The following PPP2R5E variants were observed in gnomAD, a reference collection of about 807,000 sequenced individuals.
PPP2R5E encodes the protein protein phosphatase 2 regulatory subunit B'epsilon, also known as serine/threonine-protein phosphatase 2A 56 kDa regulatory subunit epsilon isoform.
PPP2R5E carries 4 observed loss-of-function variants against 65.3 expected under a neutral mutation model. The ratio of observed to expected loss-of-function variants is 0.06; its 90% CI spans 0.03 to 0.14. The LOEUF (loss-of-function observed/expected upper bound fraction) is 0.14. Among genes scored for constraint, PPP2R5E ranks in the 10% least tolerant of loss-of-function variants. The pLI is 1.00. For missense variants in PPP2R5E, 274 were observed against 556.1 expected (o/e 0.49, Z 5.10); for synonymous variants, 183 against 187.4 (o/e 0.98, Z 0.19).
chr14:63,406,102 AC>A (rs1886066384), intron 5 of PPP2R5E, among the ~76,000 whole-genome samples: 1 of 152,058 alleles, frequency 6.6e-6, no homozygotes, highest in Admixed American at 6.6e-5. Flanking sequence ...AACATTCAAA[AC>A]CCTTGAATGA....
intron 1 of PPP2R5E, among the ~76,000 whole-genome samples, chr14:63,542,554 G>A (rs1286969122): frequency 1.3e-5 from 2 of 152,126 alleles, no homozygotes; most frequent in Non-Finnish European, 2.9e-5. Context: ...CCCAGAAGGT[G>A]GAGAAAAAGG....
At position 63,393,817 on chromosome 14, in the gene PPP2R5E, T is replaced by C. The variant is rs1485546444; in HGVS notation, c.849+3A>G. ...TAAAAGTAGTTGTACAAAATCCTCCTACCTGTGCATGGAAGAGTGATAAGC... is the reference window on the plus strand; with the variant it reads ...TAAAAGTAGTTGTACAAAATCCTCCCACCTGTGCATGGAAGAGTGATAAGC... On this transcript the variant is annotated splice_donor_region_variant and intron_variant, in intron 8 of 13. Transcript: ENST00000337537. 3 of 1,557,248 alleles carry C rather than the reference T, an allele frequency of 1.9e-6. No individual in the cohort carries two copies. The highest frequency in any genetic ancestry group is 2.2e-5 in the East Asian group (1 of 44,564).
intron 4 of PPP2R5E, among the ~76,000 whole-genome samples, chr14:63,416,054 A>G (rs1365781225): frequency 6.6e-6 from 1 of 152,216 alleles, no homozygotes; most frequent in Non-Finnish European, 1.5e-5. Flanking sequence ...TCAGCCTCAA[A>G]TAATTGTTCT....
intron 3 of PPP2R5E, among the ~76,000 whole-genome samples, chr14:63,448,930 A>G (rs1888662334): frequency 1.3e-5 from 2 of 152,146 alleles, no homozygotes. Flanking sequence ...ACTTCATTTA[A>G]TTGTTAAAAA....
At chr14:63,469,911 G>C (rs1594910422) in intron 2 of PPP2R5E, among the ~76,000 whole-genome samples, 3 of 152,274 alleles carry the variant, frequency 2.0e-5, no homozygotes, top group East Asian at 1.9e-4. Flanking sequence ...CTGGGTCAAT[G>C]GCTAACGTGT....
chr14:63,430,401 G>GCATACATACATGCATA (rs1555359700), intron 3 of PPP2R5E, among the ~76,000 whole-genome samples: 10 of 143,822 alleles, frequency 7.0e-5, no homozygotes, highest in African/African-American at 2.8e-4. Flanking sequence ...ATACATACAT[G>GCATACATACATGCATA]CATACATACA....
At chr14:63,421,052 CAAAAAAAAAAAAAAAA>C (rs56297942) in intron 4 of PPP2R5E, among the ~76,000 whole-genome samples, 71 of 10,284 alleles carry the variant, frequency 6.9e-3, no homozygotes, top group East Asian at 0.034. Flanking sequence ...GACTCCGTCT[CAAAAAAAAAAAAAAAA>C]AAAAAAAAAA....
chr14:63,413,952 T>C (rs1886548971), intron 5 of PPP2R5E, among the ~76,000 whole-genome samples: 1 of 152,184 alleles, frequency 6.6e-6, no homozygotes, highest in Non-Finnish European at 1.5e-5. Flanking sequence ...GTACAGGTAC[T>C]AATGAGCCGC....
At chr14:63,377,395 G>A (rs1314505794) in intron 13 of PPP2R5E, among the ~76,000 whole-genome samples, 1 of 152,026 alleles carries the variant, frequency 6.6e-6, no homozygotes, top group African/African-American at 2.4e-5. Context: ...TATAACCAAT[G>A]TTTTTTAAAA....
intron 4 of PPP2R5E, among the ~76,000 whole-genome samples, chr14:63,417,981 G>C (rs766034676): frequency 6.6e-6 from 1 of 152,124 alleles, no homozygotes; most frequent in Non-Finnish European, 1.5e-5. Flanking sequence ...TCTCACGTCA[G>C]ACTCTAATTT....
intron 3 of PPP2R5E, among the ~76,000 whole-genome samples, chr14:63,444,618 G>T (rs1888389984): frequency 6.6e-6 from 1 of 151,402 alleles, no homozygotes; most frequent in African/African-American, 2.4e-5. Context: ...AAAAAAAAAA[G>T]ATGTGCAAAT....
intron 2 of PPP2R5E, among the ~76,000 whole-genome samples, chr14:63,485,912 C>T (rs1191089997): frequency 1.3e-5 from 2 of 150,600 alleles, no homozygotes; most frequent in African/African-American, 4.9e-5. Context: ...TCACTGTAAC[C>T]TCTACCTCCC....
At position 63,496,550 on chromosome 14, in the gene PPP2R5E, A is replaced by G. The variant is rs367809964; in HGVS notation, c.158-42665T>C. Among the ~76,000 whole-genome samples the G allele has an allele frequency of 4.5e-4, 69 of 152,148 alleles. 1 individual carries two copies. The highest frequency in any genetic ancestry group is 1.6e-3 in the African/African-American group (65 of 41,530). On this transcript the variant is annotated intron_variant, in intron 2 of 13. Coordinates refer to ENST00000337537, the MANE Select transcript of PPP2R5E (RefSeq NM_006246.5). The stretch of plus-strand genomic sequence containing the variant: ...CAGCTCGCCTCTTGAACCATAACCC[A>G]TCAATAACTAAGAACATATACAGAG...
chr14:63,512,078 TAAAA>T lies in PPP2R5E; in HGVS notation c.157+27447_157+27450del, dbSNP rs57623942. On this transcript the variant is annotated intron_variant, in intron 2 of 13. Coordinates refer to ENST00000337537, the MANE Select transcript of PPP2R5E (RefSeq NM_006246.5). The stretch of plus-strand genomic sequence containing the variant: ...TGGACGACAGAGCGAGACTCTGCGG[TAAAA>T]AAAAAAAAAAAAAAAAAAAAAAGAA... 2.0e-3 allele frequency among the ~76,000 whole-genome samples: 177 copies of T among 87,082 alleles called. 6 individuals are homozygous for T. The highest frequency in any genetic ancestry group is 4.7e-3 in the African/African-American group (120 of 25,596). The allele number at this position is 87,082 out of a possible 152,430, so 57.1% of individuals were successfully genotyped here. A position where few individuals can be genotyped will look rare whatever the true frequency, so the allele number is the denominator to read the frequency against.
Position 63,391,878 on chromosome 14 carries a change from A to G in PPP2R5E, c.904-11T>C, listed in dbSNP as rs1885042359. The G allele has an allele frequency of 7.4e-6, 12 of 1,613,088 alleles. No individual in the cohort carries two copies. The highest frequency in any genetic ancestry group is 1.0e-5 in the Non-Finnish European group (12 of 1,179,230). ...TAACCCCCTAATAACCTAAAATGAA[A>G]AGGAGAAAAACAAATGGCATTTAAC... is the stretch of plus-strand genomic sequence containing the variant. On this transcript the variant is annotated splice_polypyrimidine_tract_variant and intron_variant, in intron 9 of 13. Coordinates refer to ENST00000337537, the MANE Select transcript of PPP2R5E (RefSeq NM_006246.5).
chr14:63,529,492 C>T (rs1466127468), intron 2 of PPP2R5E, among the ~76,000 whole-genome samples: 4 of 151,950 alleles, frequency 2.6e-5, no homozygotes, highest in Non-Finnish European at 5.9e-5. Context: ...TTCCGAGTAG[C>T]TGGGACTACA....
chr14:63,429,134 G>A (rs1949237270), intron 3 of PPP2R5E, among the ~76,000 whole-genome samples: 1 of 152,152 alleles, frequency 6.6e-6, no homozygotes, highest in African/African-American at 2.4e-5. Context: ...GTGATCAGGG[G>A]ACCACTTGTA....
At chr14:63,472,635 G>A (rs1227426377) in intron 2 of PPP2R5E, among the ~76,000 whole-genome samples, 2 of 152,202 alleles carry the variant, frequency 1.3e-5, no homozygotes, top group Non-Finnish European at 2.9e-5. Flanking sequence ...GGGACAGAAA[G>A]GAAGCATGAA....
chr14:63,451,377 C>T (rs1438119930), intron 3 of PPP2R5E: 1 of 152,144 alleles, frequency 6.6e-6, no homozygotes, highest in African/African-American at 2.4e-5. Flanking sequence ...TGTTATTCAA[C>T]ACTAAAATAA....
Sources: gnomAD v4.1 joint callset for allele counts (sites outside exome capture counted in the v4.1 genomes callset) on GRCh38, gnomAD v4.1.1 for gene constraint, MANE v1.5 for transcripts, NCBI Gene and HGNC (gene_info 2026-07-23, HGNC 2026-07-21) for gene names.